Variants in MAP4K3 observed in about 807,000 individuals in gnomAD.
MAP4K3 encodes MAPK/ERK kinase kinase kinase 3.
Under a neutral mutation model 143.5 loss-of-function variants are expected in MAP4K3, and 94 were observed. That is an observed-to-expected ratio of 0.65 (90% CI 0.55 to 0.78). The LOEUF (loss-of-function observed/expected upper bound fraction) is 0.78. Ranked by LOEUF, MAP4K3 falls within the 30% of genes least tolerant of loss-of-function variation. The pLI, the probability that MAP4K3 is intolerant of heterozygous loss-of-function variation, is 0.00. For missense variants in MAP4K3, 1,077 were observed against 1,068.1 expected, an observed-to-expected ratio of 1.01 and a Z score of -0.12; for synonymous variants, 416 against 347.2, an observed-to-expected ratio of 1.20 and a Z score of -2.20.
At chr2:39,254,623 CTAA>C (rs1201316969) in intron 31 of MAP4K3, 103 bp from the exon 32 acceptor site, 4 of 751,706 alleles carry the variant, frequency 5.3e-6, no homozygotes, top group East Asian at 2.5e-5. Context: ...CAATTCACAA[CTAA>C]TGTCAGCTAT....
chr2:39,412,038 C>T (rs1667245750), intron 1 of MAP4K3, among the ~76,000 whole-genome samples: 1 of 152,182 alleles, frequency 6.6e-6, no homozygotes, highest in African/African-American at 2.4e-5. Context: ...CTCTGCATTT[C>T]CCAAAGTGTG....
Position 39,288,172 on chromosome 2 carries a change from G to A in MAP4K3, c.1423C>T (p.Pro475Ser). ...AATCTGGGAGGTGGTGGTCTAGGTGGAACTTGGGATGGCTTTGCTGGGCTC... is the reference window on the plus strand; with the variant it reads ...AATCTGGGAGGTGGTGGTCTAGGTGAAACTTGGGATGGCTTTGCTGGGCTC... Reference protein sequence around the residue: ...SGSPAKPSQVPPRPPPPRLPP... With the variant: ...SGSPAKPSQVSPRPPPPRLPP... The change falls in exon 20 of 34, where the codon CCA (proline) becomes TCA (serine). Residue 475 changes from proline to serine, a missense_variant. Pro to Ser is a moderately conservative substitution (Grantham distance 74). Coordinates refer to ENST00000263881, the MANE Select transcript of MAP4K3 (RefSeq NM_003618.4). 1.2e-6 allele frequency: 2 copies of A among 1,614,130 alleles called. No homozygotes were observed. Among genetic ancestry groups the A allele is most frequent in the South Asian group, 1.1e-5 (1 of 91,080 alleles).
intron 22 of MAP4K3, among the ~76,000 whole-genome samples, chr2:39,282,163 C>G (rs981085602): frequency 9.3e-5 from 14 of 149,866 alleles, no homozygotes; most frequent in South Asian, 2.1e-4. Flanking sequence ...CCACTGCACT[C>G]TAGCCTGGGC....
intron 20 of MAP4K3, 31 bp from the exon 21 acceptor site, chr2:39,286,995 T>A (rs3755172): frequency 7.3e-7 from 1 of 1,368,454 alleles, no homozygotes; most frequent in South Asian, 1.3e-5. Flanking sequence ...TGAAAATGAT[T>A]AATCTTCATG....
intron 1 of MAP4K3, among the ~76,000 whole-genome samples, chr2:39,386,344 G>A (rs1358256337): frequency 6.6e-6 from 1 of 152,216 alleles, no homozygotes; most frequent in East Asian, 1.9e-4. Context: ...AAGCCACCCA[G>A]TCTGTGGCAT....
At position 39,437,168 on chromosome 2, in the gene MAP4K3, A is replaced by C. The variant is rs930156854; in HGVS notation, c.-181T>G. 2.6e-6 allele frequency: 1 copy of C among 391,486 alleles called. No individual in the cohort carries two copies. The highest frequency in any genetic ancestry group is 2.1e-5 in the African/African-American group (1 of 46,874). 24.3% of individuals were successfully genotyped at this position (391,486 alleles called of 1,614,324 possible). A position where few individuals can be genotyped will look rare whatever the true frequency, so the allele number is the denominator to read the frequency against. On this transcript the variant is annotated 5_prime_UTR_variant, in exon 1 of 34. Coordinates refer to ENST00000263881, the MANE Select transcript of MAP4K3 (RefSeq NM_003618.4). ...CCCTCACGCCGCTGCGGACGACGAC[A>C]AGCGGCCAATCGTCCCCGCCCCCCG...
chr2:39,311,500 AT>A (rs1682936586), intron 13 of MAP4K3, among the ~76,000 whole-genome samples: 2 of 152,204 alleles, frequency 1.3e-5, no homozygotes, highest in African/African-American at 4.8e-5. Context: ...ATGCTTCCAC[AT>A]TGGATCAGCG....
intron 3 of MAP4K3, among the ~76,000 whole-genome samples, chr2:39,351,614 G>A (rs994428692): frequency 1.3e-5 from 2 of 152,134 alleles, no homozygotes; most frequent in Non-Finnish European, 2.9e-5. Flanking sequence ...TATTTAAGTT[G>A]TTATGAGGTA....
intron 32 of MAP4K3, 48 bp from the exon 33 acceptor site, chr2:39,251,933 A>T (rs1445283300): frequency 6.4e-6 from 8 of 1,249,806 alleles, no homozygotes; most frequent in Non-Finnish European, 9.3e-6. Context: ...AAGACACAAA[A>T]TTTTTAATGG....
Position 39,325,711 on chromosome 2 carries a change from T to TA in MAP4K3, c.807+18_807+19insT, listed in dbSNP as rs765656535. 3 of 1,578,376 alleles carry TA rather than the reference T, an allele frequency of 1.9e-6. No individual in the cohort carries two copies. The highest frequency in any genetic ancestry group is 3.5e-5 in the Admixed American group (2 of 57,946). On this transcript the variant is annotated intron_variant, in intron 11 of 33. Coordinates refer to ENST00000263881, the MANE Select transcript of MAP4K3 (RefSeq NM_003618.4). ...TATCTTTTGAAATATATATATATAT[T>TA]TCAGGGCAAAAATAATACCTGTAAT...
In MAP4K3 at chr2:39,309,499, G is replaced by A; in HGVS notation, c.1018C>T (p.Pro340Ser). 6.3e-7 allele frequency: 1 copy of A among 1,581,180 alleles called. No individual in the cohort carries two copies. Reference protein sequence around the residue: ...EITFGQVKFDPPLRKETEPHH... With the variant: ...EITFGQVKFDSPLRKETEPHH... ...GGTTCTGTCTCCTTTCTTAAGGGTG[G>A]ATCAAATTTCACTTGGCCAACTAAA... Residue 340 changes from proline (P) to serine (S), a missense_variant, in exon 14 of 34, where the codon CCA becomes TCA. Physicochemically the swap from Pro to Ser is moderately conservative, Grantham distance 74. This residue lies in a region of MAP4K3 where 864 missense variants were observed against 801.2 expected (regional missense o/e 1.08). Coordinates refer to ENST00000263881, the MANE Select transcript of MAP4K3 (RefSeq NM_003618.4).
At chr2:39,290,391 A>G in intron 18 of MAP4K3, 57 bp from the exon 19 acceptor site, 5 of 1,102,728 alleles carry the variant, frequency 4.5e-6, no homozygotes, top group Non-Finnish European at 6.6e-6. Flanking sequence ...AATCAATCCT[A>G]AAATATAATA....
At chr2:39,337,844 C>T (rs760364361) in intron 4 of MAP4K3, among the ~76,000 whole-genome samples, 4 of 144,918 alleles carry the variant, frequency 2.8e-5, no homozygotes, top group Non-Finnish European at 6.0e-5. Context: ...ACTGCAGCCT[C>T]GACCTCCTGG....
chr2:39,322,616 GTATA>G (rs1193439640), intron 12 of MAP4K3, among the ~76,000 whole-genome samples: 5 of 149,656 alleles, frequency 3.3e-5, no homozygotes, highest in South Asian at 4.2e-4. Context: ...GTGTGTGTGT[GTATA>G]TATGTATATA....
intron 4 of MAP4K3, among the ~76,000 whole-genome samples, chr2:39,338,072 C>T (rs1437957317): frequency 6.6e-6 from 1 of 151,948 alleles, no homozygotes; most frequent in Admixed American, 6.6e-5. Context: ...CAATTTTTTG[C>T]TTTTTAAAAA....
chr2:39,344,141 T>C lies in MAP4K3; in HGVS notation c.246-689A>G, dbSNP rs559181975. ...ATGCAGAAGAAAGATTCTACCTTAA[T>C]ATATGTCTGTCTCTCTCACCACTGC... On this transcript the variant is annotated intron_variant, in intron 3 of 33. Transcript: ENST00000263881. 3.9e-5 allele frequency among the ~76,000 whole-genome samples: 6 copies of C among 152,324 alleles called. No individual in the cohort carries two copies. In the South Asian group the frequency reaches 1.2e-3, roughly 32 times the overall value.
intron 21 of MAP4K3, among the ~76,000 whole-genome samples, chr2:39,286,579 T>A (rs2148472457): frequency 6.6e-6 from 1 of 152,362 alleles, no homozygotes; most frequent in Non-Finnish European, 1.5e-5. Flanking sequence ...TAAGCATTTA[T>A]CTGTATAAAG....
At chr2:39,336,770 T>C (rs1664980777) in intron 6 of MAP4K3, 150 bp downstream of exon 6, 1 of 401,966 alleles carries the variant, frequency 2.5e-6, no homozygotes. Flanking sequence ...AAAGCTGCTA[T>C]AAAAAATTAA....
chr2:39,265,441 T>A (rs552052840), intron 27 of MAP4K3, 135 bp from the exon 28 acceptor site: 4 of 704,938 alleles, frequency 5.7e-6, no homozygotes, highest in Middle Eastern at 7.7e-4. Flanking sequence ...CCAGTTCAGT[T>A]TCTTAATTAG....
Sources: allele counts gnomAD v4.1 joint callset (sites outside exome capture counted in the v4.1 genomes callset), GRCh38; gene constraint gnomAD v4.1.1; regional missense constraint gnomAD v4.1.1; transcripts MANE v1.5; gene names NCBI Gene and HGNC (gene_info 2026-07-23, HGNC 2026-07-21).